Variants in TMEM163 observed in about 807,000 individuals in gnomAD.
TMEM163 encodes transmembrane protein 163.
Under a neutral mutation model 29.3 loss-of-function variants are expected in TMEM163, and 17 were observed. The ratio of observed to expected loss-of-function variants is 0.58; its 90% CI spans 0.40 to 0.87. The LOEUF (loss-of-function observed/expected upper bound fraction) is 0.87. TMEM163 is among the 40% of genes least tolerant of loss of function. TMEM163 has a pLI of 0.00. For synonymous variants in TMEM163, 157 were observed against 160.6 expected, an observed-to-expected ratio of 0.98 and a Z score of 0.17; for missense variants, 303 against 381.5, an observed-to-expected ratio of 0.79 and a Z score of 1.71.
chr2:134,561,248 G>T (rs1681174450), intron 2 of TMEM163, among the ~76,000 whole-genome samples: 1 of 152,232 alleles, frequency 6.6e-6, no homozygotes, highest in African/African-American at 2.4e-5. Flanking sequence ...CTGTCGCCCA[G>T]GCTGGAGCGC....
At chr2:134,615,845 T>C (rs1203814993) in intron 2 of TMEM163, among the ~76,000 whole-genome samples, 1 of 151,972 alleles carries the variant, frequency 6.6e-6, no homozygotes, top group African/African-American at 2.4e-5. Context: ...TTAGTAGAGA[T>C]GGGGTTTCAC....
chr2:134,471,890 C>T (rs1686809948), intron 5 of TMEM163, among the ~76,000 whole-genome samples: 1 of 152,212 alleles, frequency 6.6e-6, no homozygotes, highest in Non-Finnish European at 1.5e-5. Context: ...CAGGTTGCCT[C>T]ATCTAAGGCC....
chr2:134,509,374 G>T (rs553972905), intron 4 of TMEM163, among the ~76,000 whole-genome samples: 1 of 152,216 alleles, frequency 6.6e-6, no homozygotes, highest in African/African-American at 2.4e-5. Context: ...TCAAGATGGG[G>T]TCAATTTATG....
chr2:134,599,143 G>A (rs142705940), intron 2 of TMEM163, among the ~76,000 whole-genome samples: 2 of 151,930 alleles, frequency 1.3e-5, no homozygotes, highest in Non-Finnish European at 2.9e-5. Context: ...TGTAGGTGTT[G>A]ACTCCGCTGT....
chr2:134,521,389 G>C (rs1574202840), intron 4 of TMEM163, among the ~76,000 whole-genome samples: 1 of 152,144 alleles, frequency 6.6e-6, no homozygotes, highest in African/African-American at 2.4e-5. Flanking sequence ...GGGTCATTTA[G>C]CAATGTCTGG....
In TMEM163 at chr2:134,460,886, C is replaced by T. The variant is rs148220631; in HGVS notation, c.668-2713G>A. ...TAGGAGGAGACTCTGCCTTGCCTGGCTCGGCTCACCTTTTGTGATGACAGA... is the reference window on the plus strand; with the variant it reads ...TAGGAGGAGACTCTGCCTTGCCTGGTTCGGCTCACCTTTTGTGATGACAGA... On this transcript the variant is annotated intron_variant, in intron 6 of 7. Coordinates refer to ENST00000281924, the MANE Select transcript of TMEM163 (RefSeq NM_030923.5). This position sits in a 1 kb window ranked among gnomAD's most constrained non-coding sequence, Gnocchi z 4.3. Among the ~76,000 whole-genome samples the T allele has an allele frequency of 2.2e-3, 334 of 152,358 alleles. 2 individuals carry two copies. Among genetic ancestry groups the T allele is most frequent in the South Asian group, 6.2e-3 (30 of 4,826 alleles).
intron 5 of TMEM163, among the ~76,000 whole-genome samples, chr2:134,500,792 A>G (rs522227): frequency 0.49 from 74,283 of 151,910 alleles, 21,266 homozygotes; most frequent in African/African-American, 0.76. Context: ...GTAAGAGTAA[A>G]AAGTAAAACA....
chr2:134,666,755 AAGG>A, intron 2 of TMEM163, among the ~76,000 whole-genome samples: 1 of 152,352 alleles, frequency 6.6e-6, no homozygotes, highest in African/African-American at 2.4e-5. Context: ...CATCTATAAA[AAGG>A]AGATCGTAAT....
At chr2:134,695,298 G>C (rs1318783377) in intron 2 of TMEM163, among the ~76,000 whole-genome samples, 1 of 151,888 alleles carries the variant, frequency 6.6e-6, no homozygotes, top group African/African-American at 2.4e-5. Flanking sequence ...GGCTGGTCTC[G>C]AACCCCTGAC....
intron 2 of TMEM163, among the ~76,000 whole-genome samples, chr2:134,679,429 G>T (rs575880284): frequency 1.3e-5 from 2 of 152,078 alleles, no homozygotes; most frequent in Non-Finnish European, 2.9e-5. Context: ...GTAGGTGACA[G>T]ATATATGTCA....
At chr2:134,598,028 T>C (rs192887095) in intron 2 of TMEM163, among the ~76,000 whole-genome samples, 3 of 152,240 alleles carry the variant, frequency 2.0e-5, no homozygotes, top group Non-Finnish European at 4.4e-5. Context: ...TTGCTAGCAG[T>C]CTATCAATTT....
At chr2:134,626,330 C>A (rs989114886) in intron 2 of TMEM163, among the ~76,000 whole-genome samples, 4 of 152,050 alleles carry the variant, frequency 2.6e-5, no homozygotes, top group African/African-American at 9.7e-5. Context: ...GTCTCGAACT[C>A]CTGACCTCAT....
At chr2:134,487,497 T>C (rs1318823893) in intron 5 of TMEM163, among the ~76,000 whole-genome samples, 1 of 152,216 alleles carries the variant, frequency 6.6e-6, no homozygotes, top group Non-Finnish European at 1.5e-5. Context: ...ATAAATTCGA[T>C]GCAACTTCAC....
At chr2:134,546,132 T>C (rs865997483) in intron 4 of TMEM163, among the ~76,000 whole-genome samples, 1 of 152,164 alleles carries the variant, frequency 6.6e-6, no homozygotes, top group Admixed American at 6.5e-5. Context: ...GTAACAACTA[T>C]ATAAAACAGT....
chr2:134,591,629 C>T (rs6725390), intron 2 of TMEM163, among the ~76,000 whole-genome samples: 3,100 of 152,166 alleles, frequency 0.02, 110 homozygotes, highest in African/African-American at 0.069. Context: ...CTCCCAGTTC[C>T]CACTCAATGC....
Position 134,584,980 on chromosome 2 carries a change from G to A in TMEM163, c.323-32889C>T, listed in dbSNP as rs151153025. On this transcript the variant is annotated intron_variant, in intron 2 of 7. Coordinates refer to ENST00000281924, the MANE Select transcript of TMEM163 (RefSeq NM_030923.5). The stretch of plus-strand genomic sequence containing the variant: ...GCCAACTACTCCACAGACACTTCAG[G>A]GACAGGACACTTCATGGATGCCTGG... Among the ~76,000 whole-genome samples, 1,480 of 152,156 alleles carry A rather than the reference G, an allele frequency of 9.7e-3. 11 individuals carry two copies. Among genetic ancestry groups the A allele is most frequent in the Non-Finnish European group, 0.016 (1,064 of 68,008 alleles).
At chr2:134,499,488 G>C (rs1276180569) in intron 5 of TMEM163, among the ~76,000 whole-genome samples, 1 of 152,174 alleles carries the variant, frequency 6.6e-6, no homozygotes, top group Non-Finnish European at 1.5e-5. Context: ...AGAGTCCCCA[G>C]GTCCTGTTCC....
chr2:134,511,936 GC>G (rs1319384040), intron 4 of TMEM163, among the ~76,000 whole-genome samples: 5 of 152,202 alleles, frequency 3.3e-5, no homozygotes, highest in African/African-American at 1.2e-4. Context: ...AGAGTGAACA[GC>G]TTTTGCTGAA....
chr2:134,660,083 GA>G (rs1446214739), intron 2 of TMEM163, among the ~76,000 whole-genome samples: 1 of 152,230 alleles, frequency 6.6e-6, no homozygotes, highest in African/African-American at 2.4e-5. Flanking sequence ...GGGGATCATG[GA>G]AGGCAGCTAT....
Sources: gnomAD v4.1 joint callset for allele counts (sites outside exome capture counted in the v4.1 genomes callset) on GRCh38, gnomAD v4.1.1 for gene constraint, Gnocchi (gnomAD v3.1) non-coding constraint, MANE v1.5 for transcripts, NCBI Gene and HGNC (gene_info 2026-07-23, HGNC 2026-07-21) for gene names.